The following PDGFD variants were observed in gnomAD, a reference collection of about 807,000 sequenced individuals.
PDGFD encodes the protein platelet derived growth factor D, also known as platelet-derived growth factor D.
In PDGFD, 30 loss-of-function variants were observed where a neutral mutation model predicts 44.7. The ratio of observed to expected loss-of-function variants is 0.67; its 90% CI spans 0.50 to 0.91. The LOEUF (loss-of-function observed/expected upper bound fraction) is 0.91, where lower values mean the gene tolerates loss of function less well. Ranked by LOEUF, PDGFD falls within the 40% of genes least tolerant of loss-of-function variation. PDGFD has a pLI of 0.00. For synonymous variants in PDGFD, 173 were observed against 168.4 expected (o/e 1.03, Z -0.21); for missense variants, 445 against 457.8 (o/e 0.97, Z 0.25).
At chr11:103,926,482 A>G (rs1311500941) in intron 6 of PDGFD, among the ~76,000 whole-genome samples, 1 of 152,150 alleles carries the variant, frequency 6.6e-6, no homozygotes, top group Non-Finnish European at 1.5e-5. Flanking sequence ...GACAATTTAT[A>G]TTTTGCTATC....
At chr11:103,918,293 G>C (rs1223676617) in intron 6 of PDGFD, among the ~76,000 whole-genome samples, 1 of 152,182 alleles carries the variant, frequency 6.6e-6, no homozygotes, top group Non-Finnish European at 1.5e-5. Flanking sequence ...GACTCCCATA[G>C]CTTTGCCAAG....
At chr11:103,938,116 G>A (rs1858522052) in intron 5 of PDGFD, among the ~76,000 whole-genome samples, 1 of 151,870 alleles carries the variant, frequency 6.6e-6, no homozygotes, top group African/African-American at 2.4e-5. Flanking sequence ...CTAGATCCCT[G>A]AGGAATCACC....
chr11:104,084,796 A>ATAT (rs1208665699), intron 1 of PDGFD, among the ~76,000 whole-genome samples: 1 of 145,898 alleles, frequency 6.9e-6, no homozygotes, highest in Non-Finnish European at 1.5e-5. Context: ...AATATAAAAT[A>ATAT]TATATTTTAT....
intron 4 of PDGFD, among the ~76,000 whole-genome samples, chr11:103,945,230 A>G (rs1858651574): frequency 6.6e-6 from 1 of 152,088 alleles, no homozygotes; most frequent in African/African-American, 2.4e-5. Context: ...GGGTGCAGCC[A>G]TATTTGTTCC....
chr11:104,032,597 G>A (rs1370169015), intron 1 of PDGFD, among the ~76,000 whole-genome samples: 1 of 150,080 alleles, frequency 6.7e-6, no homozygotes, highest in Admixed American at 6.6e-5. Flanking sequence ...AGAGATAGTA[G>A]TTTAAACATC....
At chr11:104,148,556 A>C (rs1862197302) in intron 1 of PDGFD, among the ~76,000 whole-genome samples, 1 of 152,238 alleles carries the variant, frequency 6.6e-6, no homozygotes, top group African/African-American at 2.4e-5. Flanking sequence ...TGAAATATTT[A>C]CATACATAAT....
intron 1 of PDGFD, among the ~76,000 whole-genome samples, chr11:104,154,201 C>T (rs1182056228): frequency 6.6e-6 from 1 of 152,118 alleles, no homozygotes; most frequent in African/African-American, 2.4e-5. Context: ...TCCCCCATTA[C>T]ATTCTAAAAT....
intron 6 of PDGFD, among the ~76,000 whole-genome samples, chr11:103,912,722 A>G (rs1431813474): frequency 6.6e-6 from 1 of 152,170 alleles, no homozygotes; most frequent in Non-Finnish European, 1.5e-5. Flanking sequence ...AGTGTGCTGT[A>G]TTCAGGAGGC....
chr11:103,922,776 C>T (rs754604055), intron 6 of PDGFD, among the ~76,000 whole-genome samples: 2 of 151,610 alleles, frequency 1.3e-5, no homozygotes, highest in African/African-American at 4.8e-5. Flanking sequence ...GGGGGGGTCT[C>T]GCTATGTTGA....
chr11:104,127,566 C>A (rs1028380630), intron 1 of PDGFD, among the ~76,000 whole-genome samples: 2 of 152,104 alleles, frequency 1.3e-5, no homozygotes, highest in African/African-American at 4.8e-5. Context: ...CAAAGAATAG[C>A]CTTTACCATC....
chr11:103,999,420 C>T (rs1859585848), intron 2 of PDGFD, among the ~76,000 whole-genome samples: 1 of 152,118 alleles, frequency 6.6e-6, no homozygotes, highest in Admixed American at 6.5e-5. Context: ...GATAAATATG[C>T]TAAGAAGAGA....
At chr11:104,037,604 C>A (rs1212172543) in intron 1 of PDGFD, 4 of 1,614,026 alleles carry the variant, frequency 2.5e-6, no homozygotes, top group Non-Finnish European at 3.4e-6. Context: ...TTTGTTGACT[C>A]GGGCGCCCAG....
chr11:103,996,761 TTCTC>T (rs1859538826), intron 2 of PDGFD, among the ~76,000 whole-genome samples: 1 of 152,216 alleles, frequency 6.6e-6, no homozygotes, highest in African/African-American at 2.4e-5. Flanking sequence ...ACTTGCTATA[TTCTC>T]TTTTTGGAAA....
At chr11:104,153,951 A>G (rs1423151595) in intron 1 of PDGFD, among the ~76,000 whole-genome samples, 1 of 152,150 alleles carries the variant, frequency 6.6e-6, no homozygotes, top group African/African-American at 2.4e-5. Flanking sequence ...TTTATAGGGC[A>G]GACAGGAAGA....
Position 103,907,325 on chromosome 11 carries a change from T to C in PDGFD, c.*2369A>G, listed in dbSNP as rs1213129380. 1 of 152,212 alleles carries C rather than the reference T, an allele frequency of 6.6e-6. No individual in the cohort carries two copies. The highest frequency in any genetic ancestry group is 1.5e-5 in the Non-Finnish European group (1 of 68,048). The allele number at this position is 152,212 out of a possible 1,614,324, so 9.4% of individuals were successfully genotyped here. On this transcript the variant is annotated 3_prime_UTR_variant, in exon 7 of 7. Coordinates refer to ENST00000393158, the MANE Select transcript of PDGFD (RefSeq NM_025208.5). Reference sequence around the variant, plus strand: ...TAAAAAACTCTACTTATGAAAGTGTTTTGCCCTATAAGAACATATTCAATA... The same window carrying C: ...TAAAAAACTCTACTTATGAAAGTGTCTTGCCCTATAAGAACATATTCAATA...
intron 1 of PDGFD, among the ~76,000 whole-genome samples, chr11:104,035,101 G>C (rs531524240): frequency 6.6e-6 from 1 of 152,210 alleles, no homozygotes; most frequent in African/African-American, 2.4e-5. Flanking sequence ...GTGCCCAAAT[G>C]TCAGAGAGAG....
At chr11:104,058,124 C>T (rs541393551) in intron 1 of PDGFD, among the ~76,000 whole-genome samples, 20 of 152,194 alleles carry the variant, frequency 1.3e-4, no homozygotes, top group African/African-American at 4.1e-4. Flanking sequence ...ACACAAAAAG[C>T]ATGAACCATA....
At chr11:104,149,368 A>G (rs1309183014) in intron 1 of PDGFD, among the ~76,000 whole-genome samples, 1 of 152,198 alleles carries the variant, frequency 6.6e-6, no homozygotes, top group Non-Finnish European at 1.5e-5. Context: ...TAAAGACCAA[A>G]ACAGTTCTAA....
At chr11:104,058,347 T>C (rs186921583) in intron 1 of PDGFD, among the ~76,000 whole-genome samples, 20 of 152,218 alleles carry the variant, frequency 1.3e-4, no homozygotes, top group Non-Finnish European at 2.9e-5. Context: ...TATGAAGAGA[T>C]AGGTCACTGA....
Sources: gnomAD v4.1 joint callset for allele counts (sites outside exome capture counted in the v4.1 genomes callset) on GRCh38, gnomAD v4.1.1 for gene constraint, MANE v1.5 for transcripts, NCBI Gene and HGNC (gene_info 2026-07-23, HGNC 2026-07-21) for gene names.